PLOD1: variants seen among roughly 807,000 people sequenced by gnomAD.
PLOD1 encodes procollagen-lysine,2-oxoglutarate 5-dioxygenase 1.
Under a neutral mutation model 94.7 loss-of-function variants are expected in PLOD1, and 70 were observed. The ratio of observed to expected loss-of-function variants is 0.74; its 90% CI spans 0.61 to 0.90. The LOEUF (loss-of-function observed/expected upper bound fraction) is 0.90. Ranked by LOEUF, PLOD1 falls within the 40% of genes least tolerant of loss-of-function variation. PLOD1 has a pLI of 0.00. For synonymous variants in PLOD1, 417 were observed against 400.2 expected (o/e 1.04, Z -0.50); for missense variants, 905 against 972.7 (o/e 0.93, Z 0.93).
chr1:11,939,885 G>A (rs56194664), intron 1 of PLOD1, among the ~76,000 whole-genome samples: 43,430 of 152,092 alleles, frequency 0.29, 7,127 homozygotes, highest in South Asian at 0.43. Context: ...TAGGATTACA[G>A]GTGTGAGCCA....
At chr1:11,967,658 A>ATATATTT (rs531664511) in intron 16 of PLOD1, among the ~76,000 whole-genome samples, 1 of 108,992 alleles carries the variant, frequency 9.2e-6, no homozygotes, top group East Asian at 2.8e-4. Context: ...ATATATATAT[A>ATATATTT]TTTTTTTTAA....
intron 16 of PLOD1, among the ~76,000 whole-genome samples, chr1:11,968,419 G>T (rs997288936): frequency 6.6e-6 from 1 of 151,994 alleles, no homozygotes; most frequent in African/African-American, 2.4e-5. Context: ...TTTCACAGAA[G>T]AGAAACTGCA....
At chr1:11,968,394 C>T (rs1010230617) in intron 16 of PLOD1, among the ~76,000 whole-genome samples, 1 of 152,154 alleles carries the variant, frequency 6.6e-6, no homozygotes, top group Non-Finnish European at 1.5e-5. Flanking sequence ...ACTAAGCAAA[C>T]TCTGTCCTTA....
chr1:11,974,633 T>C lies in PLOD1; in HGVS notation c.2029-20T>C, dbSNP rs1232826536. Reference sequence around the variant, plus strand: ...CAGGGGGGCGGTGGGGAAAGGCCACTGATGCTTTCTGTCTCCCAGGGCGGG... The same window carrying C: ...CAGGGGGGCGGTGGGGAAAGGCCACCGATGCTTTCTGTCTCCCAGGGCGGG... On this transcript the variant is annotated intron_variant, in intron 18 of 18. Coordinates refer to ENST00000196061, the MANE Select transcript of PLOD1 (RefSeq NM_000302.4). The C allele has an allele frequency of 6.8e-6, 11 of 1,610,234 alleles. No individual in the cohort carries two copies. The highest frequency in any genetic ancestry group is 2.7e-5 in the African/African-American group (2 of 74,842).
chr1:11,957,156 C>G lies in PLOD1; in HGVS notation c.741+142C>G. The G allele has an allele frequency of 3.9e-6, 3 of 771,030 alleles. No homozygotes were observed. Among genetic ancestry groups the G allele is most frequent in the Non-Finnish European group, 4.8e-6 (2 of 413,264 alleles). 47.8% of individuals were successfully genotyped at this position (771,030 alleles called of 1,614,324 possible). ...GAACTCACTGCCTCTGTCCTCACAT[C>G]TGAGCTCAGCGTGATGCCTTCTTTT... On this transcript the variant is annotated intron_variant, in intron 7 of 18. Transcript: ENST00000196061. The surrounding 1 kb of genome is among the most constrained non-coding windows in gnomAD (Gnocchi z 4.1).
At position 11,954,847 on chromosome 1, in the gene PLOD1, C is replaced by T. The variant is rs1182914000; in HGVS notation, c.597C>T (p.Thr199=). ...DPEKREQINI[T]LDHRCRIFQN... The stretch of plus-strand genomic sequence containing the variant: ...TCCTGCAGGAGCAGATCAATATCAC[C>T]CTGGACCACCGCTGCCGTATCTTCC... Residue 199 remains threonine (T), a synonymous_variant, in exon 6 of 19, where the codon ACC becomes ACT. Transcript: ENST00000196061. The T allele has an allele frequency of 1.9e-6, 3 of 1,613,790 alleles. No individual in the cohort carries two copies. Among genetic ancestry groups the T allele is most frequent in the Non-Finnish European group, 2.5e-6 (3 of 1,179,708 alleles).
intron 12 of PLOD1, 90 bp downstream of exon 12, chr1:11,964,390 C>A: frequency 7.5e-7 from 1 of 1,341,514 alleles, no homozygotes; most frequent in Non-Finnish European, 1.1e-6. Context: ...TATTCCTGTT[C>A]TTGTTACCCT....
chr1:11,953,439 A>G (rs895198313), intron 5 of PLOD1, among the ~76,000 whole-genome samples: 3 of 152,042 alleles, frequency 2.0e-5, no homozygotes, highest in Non-Finnish European at 2.9e-5. Context: ...ATCCCAGCTC[A>G]CCATTTACTA....
chr1:11,943,511 G>A (rs1645629144), intron 1 of PLOD1, among the ~76,000 whole-genome samples: 1 of 152,092 alleles, frequency 6.6e-6, no homozygotes, highest in African/African-American at 2.4e-5. Context: ...TGACCAGGCT[G>A]CTCTCAAACT....
chr1:11,946,657 T>C (rs1235732489), intron 1 of PLOD1, among the ~76,000 whole-genome samples: 3 of 152,136 alleles, frequency 2.0e-5, no homozygotes, highest in Admixed American at 1.3e-4. Context: ...GCATTCAGAG[T>C]AATCTTCCTT....
intron 3 of PLOD1, 31 bp from the exon 4 acceptor site, chr1:11,950,326 C>T (rs1264177496): frequency 1.2e-6 from 2 of 1,612,636 alleles, no homozygotes; most frequent in African/African-American, 2.7e-5. Context: ...CACCCTTGCC[C>T]TGCTCCGTCT....
rs545968387 is a variant in PLOD1, at chr1:11,953,749, G to A, written c.579+1014G>A. Among the ~76,000 whole-genome samples, 23 of 151,710 alleles carry A rather than the reference G, an allele frequency of 1.5e-4. 2 individuals carry two copies. In the South Asian group the frequency reaches 4.0e-3, roughly 26 times the overall value. The stretch of plus-strand genomic sequence containing the variant: ...GGAGGTTGCAGTGAGCCGAGATTGT[G>A]CCATTGCACTGCAGCCTGGGTGACA... On this transcript the variant is annotated intron_variant, in intron 5 of 18. Coordinates refer to ENST00000196061, the MANE Select transcript of PLOD1 (RefSeq NM_000302.4).
At position 11,934,824 on chromosome 1, in the gene PLOD1, G is replaced by A; in HGVS notation, c.45G>A (p.Leu15=). ...TGGCCCTGCTGGGCTGGCTGCTGCT[G>A]GCCGAAGCGAAGGGCGACGCCAAGC... ...LLLALLGWLL[L]AEAKGDAKPE... Residue 15 remains leucine (L), a synonymous_variant, in exon 1 of 19, where the codon CTG becomes CTA. Coordinates refer to ENST00000196061, the MANE Select transcript of PLOD1 (RefSeq NM_000302.4). 1 of 1,540,764 alleles carries A rather than the reference G, an allele frequency of 6.5e-7. No individual in the cohort carries two copies. Among genetic ancestry groups the A allele is most frequent in the Non-Finnish European group, 8.7e-7 (1 of 1,145,896 alleles).
intron 13 of PLOD1, 37 bp from the exon 14 acceptor site, chr1:11,965,442 TG>T: frequency 1.8e-6 from 2 of 1,086,218 alleles, no homozygotes. Context: ...AGGGGAGGGG[TG>T]GGGGAGCGCC....
intron 1 of PLOD1, among the ~76,000 whole-genome samples, chr1:11,942,914 A>T (rs1645624486): frequency 6.6e-6 from 1 of 152,144 alleles, no homozygotes; most frequent in Admixed American, 6.5e-5. Context: ...ATCACGTGGG[A>T]TCCTCAACCA....
chr1:11,936,613 C>T (rs1008777970), intron 1 of PLOD1, among the ~76,000 whole-genome samples: 3 of 151,938 alleles, frequency 2.0e-5, no homozygotes, highest in African/African-American at 7.3e-5. Context: ...ACCTCTGTCT[C>T]CTGGGTTCAA....
chr1:11,948,143 T>C, intron 2 of PLOD1, 76 bp downstream of exon 2: 1 of 994,466 alleles, frequency 1.0e-6, no homozygotes, highest in Non-Finnish European at 1.6e-6. Context: ...CTTTCCAAAC[T>C]ACCACGTCTC....
At position 11,958,775 on chromosome 1, in the gene PLOD1, G is replaced by A. The variant is rs1004292944; in HGVS notation, c.975+128G>A. On this transcript the variant is annotated intron_variant, in intron 9 of 18. Coordinates refer to ENST00000196061, the MANE Select transcript of PLOD1 (RefSeq NM_000302.4). This position sits in a 1 kb window ranked among gnomAD's most constrained non-coding sequence, Gnocchi z 4.3. Reference sequence around the variant, plus strand: ...TCTGGGCCAAATGACAATCACCAGTGGACTGTGTCCCCAAATCACTGAGTT... The same window carrying A: ...TCTGGGCCAAATGACAATCACCAGTAGACTGTGTCCCCAAATCACTGAGTT... The A allele has an allele frequency of 3.0e-5, 32 of 1,076,352 alleles. No homozygotes were observed. The highest frequency in any genetic ancestry group is 4.0e-5 in the Non-Finnish European group (29 of 722,094). 66.7% of individuals were successfully genotyped at this position (1,076,352 alleles called of 1,614,324 possible).
rs1169426674 is a variant in PLOD1 at position 11,934,729 on chromosome 1, C to T, written c.-51C>T. 1.3e-6 allele frequency: 2 copies of T among 1,515,806 alleles called. No homozygotes were observed. The highest frequency in any genetic ancestry group is 2.3e-4 in the Middle Eastern group (1 of 4,426). 93.9% of individuals were successfully genotyped at this position (1,515,806 alleles called of 1,614,324 possible). A position where few individuals can be genotyped will look rare whatever the true frequency, so the allele number is the denominator to read the frequency against. Reference sequence around the variant, plus strand: ...GACCTGCGGCCCCGTCGCGAAGTTTCCAGCCCTGCGAGCGCCGCCGGGTCG... The same window carrying T: ...GACCTGCGGCCCCGTCGCGAAGTTTTCAGCCCTGCGAGCGCCGCCGGGTCG... On this transcript the variant is annotated 5_prime_UTR_variant, in exon 1 of 19. Coordinates refer to ENST00000196061, the MANE Select transcript of PLOD1 (RefSeq NM_000302.4).
Sources: allele counts gnomAD v4.1 joint callset (sites outside exome capture counted in the v4.1 genomes callset), GRCh38; gene constraint gnomAD v4.1.1; non-coding constraint Gnocchi (gnomAD v3.1); transcripts MANE v1.5; gene names NCBI Gene and HGNC (gene_info 2026-07-23, HGNC 2026-07-21).